Variants in PTPRM observed in about 807,000 individuals in gnomAD.
PTPRM encodes receptor-type tyrosine-protein phosphatase mu.
In PTPRM, 47 loss-of-function variants were observed where a neutral mutation model predicts 186.7. The observed-to-expected ratio is 0.25, with a 90% CI of 0.20 to 0.32. The LOEUF is 0.32. Ranked by LOEUF, PTPRM falls within the 10% of genes least tolerant of loss-of-function variation. The probability of loss-of-function intolerance (pLI) is 1.00; values close to 1 mark genes in which losing one functional copy is unlikely to be tolerated. For missense variants in PTPRM, 1,494 were observed against 1,865.0 expected, an observed-to-expected ratio of 0.80 and a Z score of 3.66; for synonymous variants, 668 against 674.9, an observed-to-expected ratio of 0.99 and a Z score of 0.16.
intron 14 of PTPRM, among the ~76,000 whole-genome samples, chr18:8,213,047 G>A (rs572135315): frequency 5.3e-5 from 8 of 152,248 alleles, no homozygotes; most frequent in South Asian, 2.1e-4. Flanking sequence ...GCCAAATAAC[G>A]TGCAGCACTG....
chr18:8,173,584 G>A (rs1297329742), intron 14 of PTPRM, among the ~76,000 whole-genome samples: 1 of 152,188 alleles, frequency 6.6e-6, no homozygotes, highest in Non-Finnish European at 1.5e-5. Flanking sequence ...TTGACACGAG[G>A]TCGGCTATGC....
intron 1 of PTPRM, among the ~76,000 whole-genome samples, chr18:7,626,975 G>A (rs1303022395): frequency 1.3e-5 from 2 of 152,094 alleles, no homozygotes; most frequent in Non-Finnish European, 2.9e-5. Context: ...GCACCTGGGA[G>A]TGCATCACAC....
At chr18:8,203,332 G>A (rs1207492316) in intron 14 of PTPRM, among the ~76,000 whole-genome samples, 3 of 152,064 alleles carry the variant, frequency 2.0e-5, no homozygotes, top group African/African-American at 7.3e-5. Flanking sequence ...CTGGGTATGT[G>A]TTGTATTAAA....
At chr18:8,344,444 GTGTGTATATATA>G (rs1363088467) in intron 23 of PTPRM, among the ~76,000 whole-genome samples, 14 of 129,534 alleles carry the variant, frequency 1.1e-4, no homozygotes, top group Admixed American at 7.8e-4. Flanking sequence ...GTGTGTGTGT[GTGTGTATATATA>G]TATATATATA....
intron 19 of PTPRM, among the ~76,000 whole-genome samples, chr18:8,278,133 C>G (rs923668542): frequency 3.9e-5 from 6 of 152,196 alleles, no homozygotes; most frequent in Admixed American, 3.9e-4. Context: ...TAAGAAACTA[C>G]CTAAATTGAT....
At chr18:8,094,286 T>C (rs1178053253) in intron 11 of PTPRM, among the ~76,000 whole-genome samples, 1 of 152,052 alleles carries the variant, frequency 6.6e-6, no homozygotes, top group Non-Finnish European at 1.5e-5. Context: ...GGTGGGAGGA[T>C]TGTTTGAGCT....
chr18:7,582,011 A>T (rs2036859129), intron 1 of PTPRM, among the ~76,000 whole-genome samples: 1 of 152,304 alleles, frequency 6.6e-6, no homozygotes, highest in African/African-American at 2.4e-5. Context: ...CAAATTTTAC[A>T]TAGGTAGAAA....
intron 20 of PTPRM, among the ~76,000 whole-genome samples, chr18:8,309,354 G>A (rs1010781285): frequency 1.3e-5 from 2 of 152,042 alleles, no homozygotes; most frequent in African/African-American, 4.8e-5. Flanking sequence ...TTTCTAGTGG[G>A]TATGTGATGG....
chr18:8,244,746 C>T (rs534478110), intron 15 of PTPRM, among the ~76,000 whole-genome samples: 1 of 152,264 alleles, frequency 6.6e-6, no homozygotes, highest in East Asian at 1.9e-4. Flanking sequence ...CTACTGCCTT[C>T]CCATACTACT....
At chr18:7,604,452 C>G (rs1229553746) in intron 1 of PTPRM, among the ~76,000 whole-genome samples, 1 of 152,182 alleles carries the variant, frequency 6.6e-6, no homozygotes, top group Non-Finnish European at 1.5e-5. Context: ...ATGGGAAATC[C>G]TTGAAGTCTT....
At chr18:8,191,740 A>C (rs551541003) in intron 14 of PTPRM, among the ~76,000 whole-genome samples, 2 of 152,304 alleles carry the variant, frequency 1.3e-5, no homozygotes, top group Admixed American at 6.5e-5. Flanking sequence ...TGAGAGCTGC[A>C]CAGGAGACTC....
intron 1 of PTPRM, among the ~76,000 whole-genome samples, chr18:7,708,257 A>C (rs1263883148): frequency 6.6e-6 from 1 of 152,206 alleles, no homozygotes; most frequent in Non-Finnish European, 1.5e-5. Context: ...GTTTAACTAT[A>C]CATCAACCCA....
intron 23 of PTPRM, among the ~76,000 whole-genome samples, chr18:8,360,337 A>G (rs2095589344): frequency 6.6e-6 from 1 of 152,208 alleles, no homozygotes; most frequent in African/African-American, 2.4e-5. Context: ...CTGTAGGACC[A>G]GGTTTCTAGC....
At chr18:7,585,023 A>G (rs1258766818) in intron 1 of PTPRM, among the ~76,000 whole-genome samples, 1 of 152,106 alleles carries the variant, frequency 6.6e-6, no homozygotes, top group Non-Finnish European at 1.5e-5. Flanking sequence ...AGGGAGGGAG[A>G]GAGGAGGTTG....
intron 14 of PTPRM, among the ~76,000 whole-genome samples, chr18:8,203,346 AAAC>A (rs1477404723): frequency 6.6e-6 from 1 of 151,234 alleles, no homozygotes; most frequent in South Asian, 2.1e-4. Flanking sequence ...TATTAAAAGA[AAAC>A]AACAACACAA....
chr18:8,215,385 C>G (rs927539816), intron 14 of PTPRM, among the ~76,000 whole-genome samples: 9 of 151,842 alleles, frequency 5.9e-5, no homozygotes, highest in African/African-American at 1.9e-4. Context: ...AAAAGCATCT[C>G]CCTTATTTCT....
chr18:8,184,440 C>G (rs907232084), intron 14 of PTPRM, among the ~76,000 whole-genome samples: 2 of 152,118 alleles, frequency 1.3e-5, no homozygotes, highest in African/African-American at 4.8e-5. Context: ...ATACCCTGTC[C>G]TCTGTGCCTT....
chr18:8,044,528 G>A (rs1351692609), intron 7 of PTPRM, among the ~76,000 whole-genome samples: 4 of 151,484 alleles, frequency 2.6e-5, no homozygotes, highest in African/African-American at 9.7e-5. Context: ...AGGCCAAAGC[G>A]GGCGGATCAC....
At chr18:7,888,503 G>T in intron 3 of PTPRM, 126 bp downstream of exon 3, 1 of 1,107,754 alleles carries the variant, frequency 9.0e-7, no homozygotes, top group Non-Finnish European at 1.2e-6. Context: ...TGGAGAAAGG[G>T]GAACTCTCAT....
Sources: gnomAD v4.1 joint callset for allele counts (sites outside exome capture counted in the v4.1 genomes callset) on GRCh38, gnomAD v4.1.1 for gene constraint, MANE v1.5 for transcripts, NCBI Gene and HGNC (gene_info 2026-07-23, HGNC 2026-07-21) for gene names.